CSMD1: variants seen among roughly 807,000 people sequenced by gnomAD.
CSMD1 encodes CUB and Sushi multiple domains 1, also known as CUB and sushi domain-containing protein 1.
CSMD1 carries 213 observed loss-of-function variants against 417.5 expected under a neutral mutation model. The observed-to-expected ratio is 0.51, with a 90% CI of 0.46 to 0.57. The LOEUF (loss-of-function observed/expected upper bound fraction) is 0.57, where lower values mean the gene tolerates loss of function less well. CSMD1 is among the 20% of genes least tolerant of loss of function. The probability of loss-of-function intolerance (pLI) is 0.00; values close to 1 mark genes in which losing one functional copy is unlikely to be tolerated. For synonymous variants in CSMD1, 2,862 were observed against 1,736.8 expected (o/e 1.65, Z -16.11); for missense variants, 6,923 against 4,529.7 (o/e 1.53, Z -15.17).
At chr8:4,065,699 A>C (rs2552094) in intron 3 of CSMD1, among the ~76,000 whole-genome samples, 6 of 152,128 alleles carry the variant, frequency 3.9e-5, no homozygotes, top group African/African-American at 1.4e-4. Flanking sequence ...TAGGAACACC[A>C]CATGTATCTG....
chr8:3,087,419 T>G (rs2129006313), intron 48 of CSMD1, 134 bp from the exon 49 acceptor site: 1 of 922,382 alleles, frequency 1.1e-6, no homozygotes, highest in East Asian at 2.5e-5. Context: ...GTATGTAAGT[T>G]TGTTCTAAAG....
intron 40 of CSMD1, among the ~76,000 whole-genome samples, chr8:3,150,987 A>G (rs1819160727): frequency 6.6e-6 from 1 of 152,216 alleles, no homozygotes; most frequent in Admixed American, 6.5e-5. Context: ...CTATTTCTTG[A>G]AAGTTGTTTT....
In CSMD1 at chr8:3,703,477, T is replaced by C. The variant is rs914146723; in HGVS notation, c.1009+4937A>G. ...ATTCATTCATTCATTCATTCATTCA[T>C]TCATCAGTAGATACTGGTTGTGTAC... On this transcript the variant is annotated intron_variant, in intron 7 of 69. Transcript: ENST00000635120. Among the ~76,000 whole-genome samples, 3 of 151,714 alleles carry C rather than the reference T, an allele frequency of 2.0e-5. No homozygotes were observed. The East Asian group carries it at 5.8e-4, about 29-fold the overall frequency.
intron 3 of CSMD1, among the ~76,000 whole-genome samples, chr8:4,373,996 G>C (rs944447700): frequency 1.3e-5 from 2 of 152,176 alleles, no homozygotes; most frequent in Non-Finnish European, 2.9e-5. Context: ...AAGCCAGTAT[G>C]AACTATGACA....
At chr8:4,783,364 G>A (rs1248192602) in intron 1 of CSMD1, among the ~76,000 whole-genome samples, 1 of 152,136 alleles carries the variant, frequency 6.6e-6, no homozygotes, top group Non-Finnish European at 1.5e-5. Flanking sequence ...TCAGAGGCTG[G>A]GAGAGAGCTG....
At chr8:3,916,865 A>G (rs1326522562) in intron 5 of CSMD1, among the ~76,000 whole-genome samples, 2 of 152,040 alleles carry the variant, frequency 1.3e-5, no homozygotes, top group African/African-American at 4.8e-5. Context: ...GACTTGCACC[A>G]AATAAAAGTC....
intron 1 of CSMD1, among the ~76,000 whole-genome samples, chr8:4,822,176 C>A (rs1276494488): frequency 6.6e-6 from 1 of 152,136 alleles, no homozygotes; most frequent in East Asian, 1.9e-4. Context: ...TGTGACTGTG[C>A]ATTCCAGCAA....
chr8:4,804,195 A>C (rs1798460053), intron 1 of CSMD1, among the ~76,000 whole-genome samples: 1 of 152,136 alleles, frequency 6.6e-6, no homozygotes, highest in Non-Finnish European at 1.5e-5. Flanking sequence ...ATTAATTTTC[A>C]GGAAATTTAA....
intron 1 of CSMD1, among the ~76,000 whole-genome samples, chr8:4,916,274 T>A (rs1256189730): frequency 6.6e-6 from 1 of 152,136 alleles, no homozygotes; most frequent in Non-Finnish European, 1.5e-5. Flanking sequence ...GAACACGGGG[T>A]AATATCACAT....
At chr8:3,651,434 G>A (rs1228630387) in intron 7 of CSMD1, among the ~76,000 whole-genome samples, 4 of 152,032 alleles carry the variant, frequency 2.6e-5, no homozygotes, top group East Asian at 1.9e-4. Context: ...TGCTGAGCAC[G>A]TAATGCCTCA....
At chr8:4,158,089 CTT>C (rs57117925) in intron 3 of CSMD1, among the ~76,000 whole-genome samples, 181 of 142,024 alleles carry the variant, frequency 1.3e-3, no homozygotes, top group Middle Eastern at 7.2e-3. Flanking sequence ...CAAGAAAACC[CTT>C]TTTTTTTTTT....
chr8:2,953,201 T>C (rs144893868), intron 65 of CSMD1, among the ~76,000 whole-genome samples: 1 of 152,186 alleles, frequency 6.6e-6, no homozygotes, highest in Non-Finnish European at 1.5e-5. Flanking sequence ...GACTTCTGTA[T>C]GTGATTTTTA....
In CSMD1 at chr8:4,115,237, G is replaced by A. The variant is rs557588199; in HGVS notation, c.416-83138C>T. Among the ~76,000 whole-genome samples, 4 of 152,288 alleles carry A rather than the reference G, an allele frequency of 2.6e-5. No homozygotes were observed. In the East Asian group the frequency reaches 7.7e-4, roughly 29 times the overall value. On this transcript the variant is annotated intron_variant, in intron 3 of 69. Transcript: ENST00000635120. ...AGCAGCCACCAACATTGAGGCAAGA[G>A]CTTCCAGTAGCAAAAAGATTATGAC... is the stretch of plus-strand genomic sequence containing the variant.
chr8:3,152,302 A>G (rs1819246173), intron 39 of CSMD1, among the ~76,000 whole-genome samples: 1 of 152,252 alleles, frequency 6.6e-6, no homozygotes, highest in Non-Finnish European at 1.5e-5. Flanking sequence ...TACAAGACGA[A>G]GCATTTGAAG....
At position 3,468,964 on chromosome 8, in the gene CSMD1, C is replaced by G. The variant is rs759491790; in HGVS notation, c.1449-140G>C. ...AGACCCTCTTTCAAAGACTGTACAG[C>G]CTCTGGTCCATTATATTAATATTCA... On this transcript the variant is annotated intron_variant, in intron 11 of 69. Coordinates refer to ENST00000635120, the MANE Select transcript of CSMD1 (RefSeq NM_033225.6). 3.4e-5 allele frequency: 19 copies of G among 560,012 alleles called. No homozygotes were observed. In the East Asian group the frequency reaches 5.4e-4, roughly 16 times the overall value. 34.7% of individuals were successfully genotyped at this position (560,012 alleles called of 1,614,324 possible).
At chr8:4,028,888 C>T (rs1797201317) in intron 4 of CSMD1, among the ~76,000 whole-genome samples, 1 of 152,120 alleles carries the variant, frequency 6.6e-6, no homozygotes, top group African/African-American at 2.4e-5. Flanking sequence ...AAGTCAAAAC[C>T]TAAGAGTTGA....
rs189314571 is a variant in CSMD1, at chr8:3,527,999, G to C, written c.1345-34273C>G. On this transcript the variant is annotated intron_variant, in intron 10 of 69. Coordinates refer to ENST00000635120, the MANE Select transcript of CSMD1 (RefSeq NM_033225.6). Reference sequence around the variant, plus strand: ...CCACACGCCAGTCGTACTTCTCCCTGGGTTTCTGACAACCAAAACTGTCTC... The same window carrying C: ...CCACACGCCAGTCGTACTTCTCCCTCGGTTTCTGACAACCAAAACTGTCTC... 4.6e-4 allele frequency among the ~76,000 whole-genome samples: 70 copies of C among 152,174 alleles called. 1 individual carries two copies. The highest frequency in any genetic ancestry group is 1.6e-3 in the African/African-American group (67 of 41,522).
chr8:3,595,549 T>G (rs1269541823), intron 8 of CSMD1, among the ~76,000 whole-genome samples: 1 of 152,200 alleles, frequency 6.6e-6, no homozygotes, highest in African/African-American at 2.4e-5. Context: ...ATACTGTGTG[T>G]TAGCAATAGC....
intron 5 of CSMD1, among the ~76,000 whole-genome samples, chr8:3,759,060 C>T (rs999627567): frequency 2.6e-5 from 4 of 152,172 alleles, no homozygotes; most frequent in East Asian, 3.8e-4. Context: ...AGCAACACAG[C>T]CCAGCTGACA....
Sources: allele counts gnomAD v4.1 joint callset (sites outside exome capture counted in the v4.1 genomes callset), GRCh38; gene constraint gnomAD v4.1.1; transcripts MANE v1.5; gene names NCBI Gene and HGNC (gene_info 2026-07-23, HGNC 2026-07-21).